SH3BGR: variants seen among roughly 807,000 people sequenced by gnomAD.
SH3BGR encodes SH3 domain binding glutamate rich protein, also known as SH3 domain-binding glutamic acid-rich protein.
SH3BGR carries 29 observed loss-of-function variants against 24.5 expected under a neutral mutation model. The observed-to-expected ratio is 1.18, with a 90% CI of 0.88 to 1.61. The LOEUF is 1.61. Ranked by LOEUF, SH3BGR falls within the 40% of genes most tolerant of loss-of-function variation. The pLI, the probability that SH3BGR is intolerant of heterozygous loss-of-function variation, is 0.00. For missense variants in SH3BGR, 162 were observed against 205.8 expected (o/e 0.79, Z 1.30); for synonymous variants, 55 against 65.7 (o/e 0.84, Z 0.79).
At chr21:39,477,586 G>A (rs547730075) in intron 3 of SH3BGR, among the ~76,000 whole-genome samples, 18 of 152,292 alleles carry the variant, frequency 1.2e-4, no homozygotes, top group Admixed American at 1.1e-3. Flanking sequence ...CTTTCAGTGA[G>A]ACAAAAATGC....
chr21:39,488,020 T>A (rs2078238624), intron 3 of SH3BGR, among the ~76,000 whole-genome samples: 1 of 152,166 alleles, frequency 6.6e-6, no homozygotes, highest in African/African-American at 2.4e-5. Context: ...AATTTGAAAC[T>A]ACAAGATGGG....
intron 2 of SH3BGR, among the ~76,000 whole-genome samples, chr21:39,465,612 A>G (rs1460930731): frequency 6.6e-6 from 1 of 152,118 alleles, no homozygotes; most frequent in East Asian, 1.9e-4. Flanking sequence ...TAATTTTATG[A>G]TAGGGTCTCA....
intron 1 of SH3BGR, among the ~76,000 whole-genome samples, chr21:39,454,282 A>G (rs1191219392): frequency 6.6e-6 from 1 of 152,200 alleles, no homozygotes; most frequent in Non-Finnish European, 1.5e-5. Context: ...CAGCCTGTAC[A>G]TTTAAAAAAT....
chr21:39,511,603 G>C lies in SH3BGR; in HGVS notation c.436-77G>C, dbSNP rs2078696548. 2 of 1,479,834 alleles carry C rather than the reference G, an allele frequency of 1.4e-6. No individual in the cohort carries two copies. Among genetic ancestry groups the C allele is most frequent in the Admixed American group, 2.0e-5 (1 of 50,480 alleles). 91.7% of individuals were successfully genotyped at this position (1,479,834 alleles called of 1,614,324 possible). ...GTGGGAGGCTTTGACCTCTAGTCCA[G>C]CATTTTACAGTCTTTTTCTCACTGT... On this transcript the variant is annotated intron_variant, in intron 5 of 6. Coordinates refer to ENST00000333634, the MANE Select transcript of SH3BGR (RefSeq NM_007341.3). This position sits in a 1 kb window ranked among gnomAD's most constrained non-coding sequence, Gnocchi z 4.2.
intron 3 of SH3BGR, among the ~76,000 whole-genome samples, chr21:39,477,954 G>A (rs1602111887): frequency 6.6e-6 from 1 of 152,118 alleles, no homozygotes; most frequent in Admixed American, 6.5e-5. Flanking sequence ...GCTAAACTGA[G>A]CTAATTAACA....
chr21:39,513,781 C>A (rs886430345), intron 6 of SH3BGR, among the ~76,000 whole-genome samples: 1 of 152,048 alleles, frequency 6.6e-6, no homozygotes, highest in Non-Finnish European at 1.5e-5. Flanking sequence ...ATACCAGAAA[C>A]AAAACAAAGC....
chr21:39,488,046 A>G (rs2078238884), intron 3 of SH3BGR, among the ~76,000 whole-genome samples: 1 of 152,212 alleles, frequency 6.6e-6, no homozygotes, highest in South Asian at 2.1e-4. Flanking sequence ...ACTGCAGGAA[A>G]GGGTATGATA....
intron 2 of SH3BGR, among the ~76,000 whole-genome samples, chr21:39,466,055 G>GTA (rs377396396): frequency 5.3e-5 from 8 of 152,162 alleles, no homozygotes; most frequent in African/African-American, 1.7e-4. Flanking sequence ...GTATGAGTGT[G>GTA]TATATATATA....
intron 1 of SH3BGR, among the ~76,000 whole-genome samples, chr21:39,453,143 CGCT>C (rs1201396667): frequency 2.0e-5 from 3 of 152,260 alleles, no homozygotes; most frequent in Admixed American, 6.5e-5. Flanking sequence ...CAAAGGCAGC[CGCT>C]GAGTGCCACC....
intron 1 of SH3BGR, among the ~76,000 whole-genome samples, chr21:39,458,647 CTTT>C (rs569511494): frequency 3.8e-5 from 5 of 130,260 alleles, no homozygotes; most frequent in Admixed American, 7.8e-5. Flanking sequence ...CTAAATCTCA[CTTT>C]TTTTTTTTTT....
At chr21:39,466,347 T>C (rs1201237836) in intron 2 of SH3BGR, among the ~76,000 whole-genome samples, 4 of 152,388 alleles carry the variant, frequency 2.6e-5, no homozygotes, top group Non-Finnish European at 4.4e-5. Context: ...TTATAAATTA[T>C]CTGTGCTTTT....
chr21:39,452,856 A>G (rs1434812101), intron 1 of SH3BGR, among the ~76,000 whole-genome samples: 1 of 152,198 alleles, frequency 6.6e-6, no homozygotes, highest in Non-Finnish European at 1.5e-5. Context: ...ATGAAGTGAC[A>G]CATTTCTCTT....
At chr21:39,509,567 T>C (rs1417213935) in intron 5 of SH3BGR, among the ~76,000 whole-genome samples, 2 of 148,248 alleles carry the variant, frequency 1.3e-5, no homozygotes, top group Non-Finnish European at 3.0e-5. Flanking sequence ...CTCCGCTTCC[T>C]GGGTTCAAGC....
chr21:39,507,531 C>A (rs1441738875), intron 4 of SH3BGR, among the ~76,000 whole-genome samples: 1 of 152,098 alleles, frequency 6.6e-6, no homozygotes, highest in Non-Finnish European at 1.5e-5. Flanking sequence ...CGGGGTTTTT[C>A]CATGTTGGTC....
At chr21:39,480,101 T>C (rs1173666281) in intron 3 of SH3BGR, among the ~76,000 whole-genome samples, 2 of 152,200 alleles carry the variant, frequency 1.3e-5, no homozygotes, top group Non-Finnish European at 2.9e-5. Flanking sequence ...TTCCATATGT[T>C]GGTTAATTTA....
At chr21:39,486,276 T>G (rs1480784825) in intron 3 of SH3BGR, among the ~76,000 whole-genome samples, 2 of 152,216 alleles carry the variant, frequency 1.3e-5, no homozygotes, top group Admixed American at 6.5e-5. Flanking sequence ...ATGAGAAAAT[T>G]TGTTGTTTTC....
At chr21:39,458,960 A>G (rs530759754) in intron 1 of SH3BGR, among the ~76,000 whole-genome samples, 23 of 151,502 alleles carry the variant, frequency 1.5e-4, no homozygotes, top group Non-Finnish European at 3.4e-4. Context: ...TTTTAATCTT[A>G]CTCTTAATAA....
chr21:39,484,176 A>G (rs2078173531), intron 3 of SH3BGR, among the ~76,000 whole-genome samples: 1 of 152,228 alleles, frequency 6.6e-6, no homozygotes, highest in Admixed American at 6.5e-5. Context: ...AGTGATTTAC[A>G]TTTCACAAAG....
chr21:39,497,425 C>T lies in SH3BGR; in HGVS notation c.313-2398C>T, dbSNP rs8127572. On this transcript the variant is annotated intron_variant, in intron 3 of 6. Transcript: ENST00000333634. ...TAATAACAATATAAAGTAATAGAAGCATATTTTAGAGAATAAAAGTTAGAT... is the reference window on the plus strand; with the variant it reads ...TAATAACAATATAAAGTAATAGAAGTATATTTTAGAGAATAAAAGTTAGAT... 1.9e-3 allele frequency among the ~76,000 whole-genome samples: 287 copies of T among 151,436 alleles called. 2 individuals are homozygous for T. Among genetic ancestry groups the T allele is most frequent in the African/African-American group, 6.6e-3 (273 of 41,406 alleles).
Sources: allele counts gnomAD v4.1 joint callset (sites outside exome capture counted in the v4.1 genomes callset), GRCh38; gene constraint gnomAD v4.1.1; non-coding constraint Gnocchi (gnomAD v3.1); transcripts MANE v1.5; gene names NCBI Gene and HGNC (gene_info 2026-07-23, HGNC 2026-07-21).